Variants in MYLK4 observed in about 807,000 individuals in gnomAD.
The protein encoded by MYLK4 is myosin light chain kinase family member 4, also known as caMLCK like.
A neutral mutation model predicts 48.1 loss-of-function variants in MYLK4; 46 were observed. The observed-to-expected ratio is 0.96, with a 90% CI of 0.75 to 1.22. MYLK4 has a LOEUF of 1.22. MYLK4 is among the 50% of genes most tolerant of loss of function. The probability of loss-of-function intolerance (pLI) is 0.00; values close to 1 mark genes in which losing one functional copy is unlikely to be tolerated. For missense variants in MYLK4, 451 were observed against 486.1 expected, an observed-to-expected ratio of 0.93 and a Z score of 0.68; for synonymous variants, 170 against 180.8, an observed-to-expected ratio of 0.94 and a Z score of 0.48.
intron 6 of MYLK4, among the ~76,000 whole-genome samples, chr6:2,684,623 AC>A (rs1243758252): frequency 6.6e-6 from 1 of 152,196 alleles, no homozygotes; most frequent in Non-Finnish European, 1.5e-5. Context: ...AATTGACAAT[AC>A]AACAACAAAA....
chr6:2,768,877 C>A, the MYLK4 span: 1 of 1,608,380 alleles, frequency 6.2e-7, no homozygotes, highest in South Asian at 1.1e-5. Flanking sequence ...CAATAAATCT[C>A]AGCAGGTATA....
At position 2,665,897 on chromosome 6, in the gene MYLK4, C is replaced by T. The variant is rs2113058547; in HGVS notation, c.*2028G>A. The T allele has an allele frequency of 6.6e-6, 1 of 151,262 alleles. No individual in the cohort carries two copies. Among genetic ancestry groups the T allele is most frequent in the African/African-American group, 2.4e-5 (1 of 41,120 alleles). The allele number at this position is 151,262 out of a possible 1,614,324, so 9.4% of individuals were successfully genotyped here. On this transcript the variant is annotated 3_prime_UTR_variant, in exon 13 of 13. Coordinates refer to ENST00000274643, the MANE Select transcript of MYLK4 (RefSeq NM_001012418.5). ...AAAGATAGCATAGTAATATAACACT[C>T]CAGTCACAGGGTTTTGTGTGTGTGT...
the MYLK4 span, chr6:2,765,579 G>A: frequency 6.2e-6 from 9 of 1,441,468 alleles, no homozygotes; most frequent in Admixed American, 1.8e-4. Flanking sequence ...CGTGCGCACG[G>A]GTTGCTGCGG....
rs1761477497 is a variant in MYLK4 at position 2,685,152 on chromosome 6, T to C, written c.545+144A>G. 6 of 633,360 alleles carry C rather than the reference T, an allele frequency of 9.5e-6. No homozygotes were observed. In the East Asian group the frequency reaches 1.6e-4, roughly 17 times the overall value. 39.2% of individuals were successfully genotyped at this position (633,360 alleles called of 1,614,324 possible). ...CCAAGTGTTTCCCTTCTAGAACTGA[T>C]GTGATTGTGTGATCCGCGCGAATCA... On this transcript the variant is annotated intron_variant, in intron 6 of 12. Transcript: ENST00000274643. The surrounding 1 kb of genome is among the most constrained non-coding windows in gnomAD (Gnocchi z 4.5).
At chr6:2,758,094 A>G in the MYLK4 span, among the ~76,000 whole-genome samples, 1 of 152,242 alleles carries the variant, frequency 6.6e-6, no homozygotes, top group South Asian at 2.1e-4. Flanking sequence ...CTTAATAAAT[A>G]ATAGCCTTTA....
intron 2 of MYLK4, among the ~76,000 whole-genome samples, chr6:2,737,797 GAT>G (rs1339424152): frequency 6.6e-6 from 1 of 152,062 alleles, no homozygotes; most frequent in Non-Finnish European, 1.5e-5. Context: ...GAGCAGGAAA[GAT>G]ATTGGGTCAC....
At chr6:2,718,599 G>A (rs576908860) in intron 2 of MYLK4, among the ~76,000 whole-genome samples, 34 of 152,280 alleles carry the variant, frequency 2.2e-4, no homozygotes, top group Non-Finnish European at 3.8e-4. Flanking sequence ...GAATTTCAGA[G>A]ACATTGGCTA....
chr6:2,758,849 T>C, the MYLK4 span, among the ~76,000 whole-genome samples: 3 of 152,230 alleles, frequency 2.0e-5, no homozygotes, highest in South Asian at 6.2e-4. Flanking sequence ...TTTTGTTGTA[T>C]GAATATTACA....
chr6:2,766,554 G>T, the MYLK4 span: 8 of 1,406,704 alleles, frequency 5.7e-6, no homozygotes, highest in Non-Finnish European at 7.4e-6. Context: ...TGCCTCTCCT[G>T]GATAAGGGGG....
the MYLK4 span, among the ~76,000 whole-genome samples, chr6:2,762,287 G>T: frequency 2.0e-5 from 3 of 152,140 alleles, no homozygotes; most frequent in Non-Finnish European, 4.4e-5. Flanking sequence ...AAAGTTGGAC[G>T]TAAAATTAGG....
chr6:2,681,190 G>A (rs143410262), intron 7 of MYLK4, among the ~76,000 whole-genome samples: 1 of 152,160 alleles, frequency 6.6e-6, no homozygotes, highest in African/African-American at 2.4e-5. Flanking sequence ...AAATGCCCAG[G>A]ATCCCGTTCC....
At chr6:2,694,440 T>C (rs1761936623) in intron 2 of MYLK4, among the ~76,000 whole-genome samples, 1 of 94,366 alleles carries the variant, frequency 1.1e-5, no homozygotes, top group Non-Finnish European at 2.3e-5. Context: ...CCCTGGTGAT[T>C]ACTTCAGAGA....
At position 2,680,317 on chromosome 6, in the gene MYLK4, C is replaced by T. The variant is rs560424359; in HGVS notation, c.688-26G>A. On this transcript the variant is annotated intron_variant, in intron 7 of 12. Transcript: ENST00000274643. ...CTGCCAGGAGAAAGAGACACATTAG[C>T]AATGAAAACAACCATCATTCACTCA... 7 of 1,613,116 alleles carry T rather than the reference C, an allele frequency of 4.3e-6. No individual in the cohort carries two copies. In the African/African-American group the frequency reaches 8.0e-5, roughly 18 times the overall value.
intron 2 of MYLK4, among the ~76,000 whole-genome samples, chr6:2,709,533 C>T (rs1435256846): frequency 6.6e-6 from 1 of 152,210 alleles, no homozygotes; most frequent in East Asian, 1.9e-4. Flanking sequence ...GACTGAGGTT[C>T]ATGAATGGCA....
At chr6:2,734,219 T>TC in intron 2 of MYLK4, among the ~76,000 whole-genome samples, 1 of 152,298 alleles carries the variant, frequency 6.6e-6, no homozygotes, top group East Asian at 1.9e-4. Flanking sequence ...CACAGGTTGT[T>TC]CCCCTACCCA....
At chr6:2,750,159 G>A (rs1435167940) in intron 1 of MYLK4, among the ~76,000 whole-genome samples, 4 of 152,206 alleles carry the variant, frequency 2.6e-5, no homozygotes, top group Admixed American at 6.5e-5. Context: ...GTTCCGCATG[G>A]CTGACAACTG....
At chr6:2,738,550 C>G (rs1178682375) in intron 2 of MYLK4, among the ~76,000 whole-genome samples, 1 of 152,190 alleles carries the variant, frequency 6.6e-6, no homozygotes, top group African/African-American at 2.4e-5. Context: ...ACTGCATTGC[C>G]GCAGTAACTT....
At chr6:2,741,664 CAA>C (rs1763904586) in intron 2 of MYLK4, among the ~76,000 whole-genome samples, 1 of 152,190 alleles carries the variant, frequency 6.6e-6, no homozygotes, top group African/African-American at 2.4e-5. Flanking sequence ...ATTTCAAAGA[CAA>C]TAGTTTGCTC....
rs150237273 is a variant in MYLK4, at chr6:2,684,473, C to T, written c.545+823G>A. 8.9e-4 allele frequency among the ~76,000 whole-genome samples: 136 copies of T among 152,216 alleles called. 1 individual carries two copies. The highest frequency in any genetic ancestry group is 2.9e-3 in the African/African-American group (120 of 41,542). On this transcript the variant is annotated intron_variant, in intron 6 of 12. Transcript: ENST00000274643. Reference sequence around the variant, plus strand: ...ATACTATACTTTTTATTCAAAATGCCTTATTGAGGAATGAAAAACAAAACG... The same window carrying T: ...ATACTATACTTTTTATTCAAAATGCTTTATTGAGGAATGAAAAACAAAACG...
Sources: gnomAD v4.1 joint callset for allele counts (sites outside exome capture counted in the v4.1 genomes callset) on GRCh38, gnomAD v4.1.1 for gene constraint, Gnocchi (gnomAD v3.1) non-coding constraint, MANE v1.5 for transcripts, NCBI Gene and HGNC (gene_info 2026-07-23, HGNC 2026-07-21) for gene names.